ARK2N: variants seen among roughly 807,000 people sequenced by gnomAD.
The protein encoded by ARK2N is protein ARK2N.
chr18:46,254,583 T>C, the ARK2N span, among the ~76,000 whole-genome samples: 3 of 152,192 alleles, frequency 2.0e-5, no homozygotes, highest in African/African-American at 4.8e-5. Flanking sequence ...CTTTGTGACA[T>C]GTGAAAATTA....
At chr18:46,253,872 T>C in the ARK2N span, 2 of 1,534,738 alleles carry the variant, frequency 1.3e-6, no homozygotes, top group South Asian at 1.2e-5. Flanking sequence ...TAAATTCTAT[T>C]TTAACCAGAA....
At chr18:46,251,185 G>C in the ARK2N span, among the ~76,000 whole-genome samples, 9 of 152,226 alleles carry the variant, frequency 5.9e-5, no homozygotes, top group Non-Finnish European at 1.5e-5. Flanking sequence ...AAAGAAGAGA[G>C]TCTGTGATTT....
At chr18:46,211,003 A>G in the ARK2N span, among the ~76,000 whole-genome samples, 1 of 152,158 alleles carries the variant, frequency 6.6e-6, no homozygotes, top group Admixed American at 6.5e-5. Context: ...AGTTAAGCCT[A>G]CAAAGTAGAT....
chr18:46,261,660 T>TAATCTTTGAAAAGGCTTTGAAA, the ARK2N span, among the ~76,000 whole-genome samples: 1 of 152,192 alleles, frequency 6.6e-6, no homozygotes, highest in Non-Finnish European at 1.5e-5. Flanking sequence ...GAAAAGGTAG[T>TAATCTTTGAAAAGGCTTTGAAA]AGCCTCTGGG....
At chr18:46,246,044 T>G in the ARK2N span, among the ~76,000 whole-genome samples, 1 of 152,360 alleles carries the variant, frequency 6.6e-6, no homozygotes, top group African/African-American at 2.4e-5. Context: ...ATAAGTGCTC[T>G]GCTTTATTTT....
the ARK2N span, among the ~76,000 whole-genome samples, chr18:46,191,027 T>G: frequency 6.6e-6 from 1 of 152,176 alleles, no homozygotes; most frequent in Non-Finnish European, 1.5e-5. Context: ...CCAGCACTCA[T>G]TTGATATTAT....
chr18:46,220,955 G>C, the ARK2N span, among the ~76,000 whole-genome samples: 1 of 152,108 alleles, frequency 6.6e-6, no homozygotes, highest in African/African-American at 2.4e-5. Context: ...GGTGAACTTG[G>C]TGAAACCTCA....
At chr18:46,199,151 G>A in the ARK2N span, among the ~76,000 whole-genome samples, 1 of 152,064 alleles carries the variant, frequency 6.6e-6, no homozygotes, top group African/African-American at 2.4e-5. Flanking sequence ...CTTGCCCTCA[G>A]TCAATATTTA....
chr18:46,211,826 C>T, the ARK2N span, among the ~76,000 whole-genome samples: 3 of 152,104 alleles, frequency 2.0e-5, no homozygotes, highest in Non-Finnish European at 4.4e-5. Context: ...TCAACATTAA[C>T]CCAGAGGGTT....
At chr18:46,213,202 A>G in the ARK2N span, among the ~76,000 whole-genome samples, 2 of 151,530 alleles carry the variant, frequency 1.3e-5, no homozygotes, top group East Asian at 3.9e-4. Flanking sequence ...GGCTTTGACC[A>G]TCTCGGCCAG....
At chr18:46,258,145 C>T in the ARK2N span, among the ~76,000 whole-genome samples, 9 of 152,200 alleles carry the variant, frequency 5.9e-5, no homozygotes, top group African/African-American at 1.7e-4. Flanking sequence ...CGGCTGGTCG[C>T]GAACTCCTGA....
the ARK2N span, among the ~76,000 whole-genome samples, chr18:46,191,222 G>GA: frequency 6.6e-6 from 1 of 152,094 alleles, no homozygotes; most frequent in Non-Finnish European, 1.5e-5. Flanking sequence ...TAGGTTTGCA[G>GA]AAAAATTTAA....
the ARK2N span, among the ~76,000 whole-genome samples, chr18:46,234,478 G>A: frequency 6.6e-6 from 1 of 152,070 alleles, no homozygotes; most frequent in Non-Finnish European, 1.5e-5. Context: ...GATTACAGGC[G>A]TGAGCCACTG....
At chr18:46,188,940 C>A in the ARK2N span, among the ~76,000 whole-genome samples, 3 of 151,660 alleles carry the variant, frequency 2.0e-5, no homozygotes, top group African/African-American at 7.3e-5. Context: ...TGACCGGGTG[C>A]GGGGTGGCTC....
At chr18:46,257,325 C>T in the ARK2N span, among the ~76,000 whole-genome samples, 1 of 152,130 alleles carries the variant, frequency 6.6e-6, no homozygotes, top group African/African-American at 2.4e-5. Context: ...GCCTCTCCCC[C>T]TCCTTTTTTG....
chr18:46,175,218 TTC>T, the ARK2N span, among the ~76,000 whole-genome samples: 3 of 151,532 alleles, frequency 2.0e-5, no homozygotes, highest in Admixed American at 2.0e-4. Context: ...CTTGAGCAGT[TTC>T]TGTTTGGATG....
the ARK2N span, among the ~76,000 whole-genome samples, chr18:46,199,419 A>G: frequency 6.7e-6 from 1 of 149,260 alleles, no homozygotes; most frequent in Non-Finnish European, 1.5e-5. Flanking sequence ...GCTTCAAGCG[A>G]TTCTTCCTGC....
At chr18:46,232,199 G>A in the ARK2N span, 2 of 152,090 alleles carry the variant, frequency 1.3e-5, no homozygotes, top group Non-Finnish European at 2.9e-5. Flanking sequence ...TTTGCCTAAA[G>A]GTATACAGTT....
At chr18:46,226,587 T>C in the ARK2N span, among the ~76,000 whole-genome samples, 1 of 152,148 alleles carries the variant, frequency 6.6e-6, no homozygotes, top group Admixed American at 6.6e-5. Flanking sequence ...GCTCATAGAG[T>C]GTGTCAAAAG....
Sources: gnomAD v4.1 joint callset for allele counts (sites outside exome capture counted in the v4.1 genomes callset) on GRCh38, gnomAD v4.1.1 for gene constraint, MANE v1.5 for transcripts, NCBI Gene and HGNC (gene_info 2026-07-23, HGNC 2026-07-21) for gene names.